The following MGMT variants were observed in gnomAD, a reference collection of about 807,000 sequenced individuals.
MGMT encodes O-6-methylguanine-DNA methyltransferase, also known as methylated-DNA--protein-cysteine methyltransferase.
Under a neutral mutation model 15.9 loss-of-function variants are expected in MGMT, and 14 were observed. That is an observed-to-expected ratio of 0.88 (90% CI 0.58 to 1.37). The LOEUF is 1.37. Ranked by LOEUF, MGMT falls within the 40% of genes most tolerant of loss-of-function variation. The probability of loss-of-function intolerance (pLI) is 0.00; values close to 1 mark genes in which losing one functional copy is unlikely to be tolerated. For synonymous variants in MGMT, 130 were observed against 118.2 expected (o/e 1.10, Z -0.65); for missense variants, 282 against 268.1 (o/e 1.05, Z -0.36).
At chr10:129,480,873 C>G (rs993378043) in intron 1 of MGMT, among the ~76,000 whole-genome samples, 1 of 152,208 alleles carries the variant, frequency 6.6e-6, no homozygotes, top group Non-Finnish European at 1.5e-5. Context: ...ACTAGCAAAG[C>G]TTTTGTTCTA....
intron 2 of MGMT, among the ~76,000 whole-genome samples, chr10:129,615,903 C>T (rs1847020240): frequency 6.6e-6 from 1 of 152,088 alleles, no homozygotes; most frequent in South Asian, 2.1e-4. Flanking sequence ...GAATGGGTCT[C>T]AGTAATGTGG....
At chr10:129,654,058 C>CACCCTACT (rs974330549) in intron 2 of MGMT, among the ~76,000 whole-genome samples, 5 of 152,176 alleles carry the variant, frequency 3.3e-5, no homozygotes, top group African/African-American at 1.2e-4. Context: ...GCGAGGGCCA[C>CACCCTACT]ACCCTACTAC....
chr10:129,653,683 C>T (rs1847489473), intron 2 of MGMT, among the ~76,000 whole-genome samples: 1 of 152,200 alleles, frequency 6.6e-6, no homozygotes, highest in Non-Finnish European at 1.5e-5. Flanking sequence ...CATGTGATGG[C>T]CAATGCTTCT....
Position 129,768,693 on chromosome 10 carries a change from G to A in MGMT, c.*1696G>A, listed in dbSNP as rs1015097869. 5.3e-5 allele frequency among the ~76,000 whole-genome samples: 8 copies of A among 152,214 alleles called. No individual in the cohort carries two copies. The highest frequency in any genetic ancestry group is 8.8e-5 in the Non-Finnish European group (6 of 68,042). ...TTGGGGCCTGGTGGCCCGGGTGTGC[G>A]AGCCGCGAGTGCTTTCCAACAGAGG... On this transcript the variant is annotated 3_prime_UTR_variant, in exon 5 of 5. Coordinates refer to ENST00000651593, the MANE Select transcript of MGMT (RefSeq NM_002412.5).
chr10:129,666,300 C>T (rs1273498092), intron 2 of MGMT, among the ~76,000 whole-genome samples: 1 of 152,124 alleles, frequency 6.6e-6, no homozygotes, highest in Non-Finnish European at 1.5e-5. Context: ...AATCCAGTTA[C>T]AGTTTTGATT....
At chr10:129,720,408 C>T (rs1040745045) in intron 3 of MGMT, among the ~76,000 whole-genome samples, 7 of 152,204 alleles carry the variant, frequency 4.6e-5, no homozygotes, top group African/African-American at 7.2e-5. Flanking sequence ...GCACAGCCCT[C>T]GCGGCCTTGG....
chr10:129,545,824 G>A (rs1846092443), intron 2 of MGMT, among the ~76,000 whole-genome samples: 1 of 152,166 alleles, frequency 6.6e-6, no homozygotes, highest in Non-Finnish European at 1.5e-5. Context: ...TGTCATTTAA[G>A]CTCTAAACTC....
intron 1 of MGMT, among the ~76,000 whole-genome samples, chr10:129,485,775 G>A (rs1845402105): frequency 6.6e-6 from 1 of 152,198 alleles, no homozygotes; most frequent in Non-Finnish European, 1.5e-5. Flanking sequence ...GGCTAGAAGT[G>A]GGATCCCCAC....
At position 129,577,747 on chromosome 10, in the gene MGMT, G is replaced by A. The variant is rs549033509; in HGVS notation, c.125+41370G>A. On this transcript the variant is annotated intron_variant, in intron 2 of 4. Transcript: ENST00000651593. ...AAGAAACCACCATCAGAGTGAACAG[G>A]CAACCTACAGAATAGGAGAAAATTT... Among the ~76,000 whole-genome samples, 8 of 152,210 alleles carry A rather than the reference G, an allele frequency of 5.3e-5. No homozygotes were observed. In the East Asian group the frequency reaches 1.5e-3, roughly 29 times the overall value.
chr10:129,618,426 T>C (rs1031357776), intron 2 of MGMT, among the ~76,000 whole-genome samples: 1 of 152,054 alleles, frequency 6.6e-6, no homozygotes, highest in Non-Finnish European at 1.5e-5. Context: ...TAGTAAGTCT[T>C]GGTGTCTTGT....
chr10:129,522,793 G>A (rs569477308), intron 1 of MGMT, among the ~76,000 whole-genome samples: 1 of 152,344 alleles, frequency 6.6e-6, no homozygotes, highest in East Asian at 1.9e-4. Context: ...GCCAGTGGAC[G>A]AGACTGTCCA....
chr10:129,595,071 G>A (rs1846735590), intron 2 of MGMT, among the ~76,000 whole-genome samples: 1 of 152,174 alleles, frequency 6.6e-6, no homozygotes, highest in Admixed American at 6.5e-5. Flanking sequence ...TCTTCGCCAG[G>A]GTCCTGTGAT....
intron 1 of MGMT, among the ~76,000 whole-genome samples, chr10:129,510,986 T>C (rs955584973): frequency 8.1e-5 from 12 of 147,332 alleles, no homozygotes; most frequent in African/African-American, 2.8e-4. Context: ...GAGAACCCTG[T>C]ATACCGTCCG....
At chr10:129,712,470 TG>T (rs1848243659) in intron 3 of MGMT, among the ~76,000 whole-genome samples, 1 of 152,234 alleles carries the variant, frequency 6.6e-6, no homozygotes, top group African/African-American at 2.4e-5. Flanking sequence ...AGTAAGTTTT[TG>T]TAACTTCTAT....
intron 3 of MGMT, among the ~76,000 whole-genome samples, chr10:129,730,182 A>T (rs1848480114): frequency 6.6e-6 from 1 of 152,150 alleles, no homozygotes; most frequent in African/African-American, 2.4e-5. Flanking sequence ...TTCTTTGGGG[A>T]GGTCAGTGCG....
At chr10:129,555,811 G>T (rs1846206848) in intron 2 of MGMT, among the ~76,000 whole-genome samples, 1 of 152,216 alleles carries the variant, frequency 6.6e-6, no homozygotes, top group African/African-American at 2.4e-5. Flanking sequence ...TGATTATAGA[G>T]ATGGGAGGTG....
chr10:129,738,236 G>A (rs1405546358), intron 3 of MGMT, among the ~76,000 whole-genome samples: 4 of 152,210 alleles, frequency 2.6e-5, no homozygotes, highest in Admixed American at 2.6e-4. Flanking sequence ...TCCAAGCCAG[G>A]TGCGGGATAT....
Position 129,616,869 on chromosome 10 carries a change from C to T in MGMT, c.125+80492C>T, listed in dbSNP as rs566391206. On this transcript the variant is annotated intron_variant, in intron 2 of 4. Transcript: ENST00000651593. Reference sequence around the variant, plus strand: ...TGTGCTCTTCATTCTCCACCTCCTCCCCCGAGGAGGTGGTCATGGTCACTC... The same window carrying T: ...TGTGCTCTTCATTCTCCACCTCCTCTCCCGAGGAGGTGGTCATGGTCACTC... Among the ~76,000 whole-genome samples, 3 of 148,156 alleles carry T rather than the reference C, an allele frequency of 2.0e-5. No homozygotes were observed. In the South Asian group the frequency reaches 6.3e-4, roughly 31 times the overall value.
intron 2 of MGMT, among the ~76,000 whole-genome samples, chr10:129,638,977 G>A (rs1847296215): frequency 6.6e-6 from 1 of 152,042 alleles, no homozygotes; most frequent in Non-Finnish European, 1.5e-5. Flanking sequence ...GATAGAAAAG[G>A]TGAATACACA....
Sources: gnomAD v4.1 joint callset for allele counts (sites outside exome capture counted in the v4.1 genomes callset) on GRCh38, gnomAD v4.1.1 for gene constraint, MANE v1.5 for transcripts, NCBI Gene and HGNC (gene_info 2026-07-23, HGNC 2026-07-21) for gene names.